MED13L: variants seen among roughly 807,000 people sequenced by gnomAD.
The protein encoded by MED13L is mediator of RNA polymerase II transcription subunit 13-like.
MED13L carries 7 observed loss-of-function variants against 220.9 expected under a neutral mutation model. The observed-to-expected ratio is 0.03, with a 90% confidence interval of 0.02 to 0.06. The LOEUF is 0.06. Ranked by LOEUF, MED13L falls within the 10% of genes least tolerant of loss-of-function variation. The pLI is 1.00. For synonymous variants in MED13L, 1,011 were observed against 1,015.2 expected (o/e 1.00, Z 0.08); for missense variants, 1,965 against 2,760.5 (o/e 0.71, Z 6.46).
intron 26 of MED13L, 122 bp from the exon 27 acceptor site, chr12:115,970,892 A>T (rs1876536410): frequency 2.2e-6 from 2 of 898,430 alleles, no homozygotes; most frequent in Non-Finnish European, 1.8e-6. Context: ...CACATTCAAA[A>T]TTGAGTCCAA....
rs1873253579 is a variant in MED13L at position 116,270,893 on chromosome 12, T to G, written c.72+6167A>C. On this transcript the variant is annotated intron_variant, in intron 1 of 30. Coordinates refer to ENST00000281928, the MANE Select transcript of MED13L (RefSeq NM_015335.5). ...CCATCTCTACTAAAAAATACAAAAA[T>G]TAGCTGGGCATAGTGGCGCGCGCCT... Among the ~76,000 whole-genome samples the G allele has an allele frequency of 2.0e-5, 3 of 150,402 alleles. No individual in the cohort carries two copies. In the South Asian group the frequency reaches 6.3e-4, roughly 32 times the overall value.
At chr12:116,220,631 G>A (rs1234675860) in intron 2 of MED13L, among the ~76,000 whole-genome samples, 2 of 152,190 alleles carry the variant, frequency 1.3e-5, no homozygotes, top group Admixed American at 1.3e-4. Context: ...CCCGGGAGGC[G>A]GAGGTTGCAG....
At chr12:116,092,957 C>G (rs188976211) in intron 4 of MED13L, among the ~76,000 whole-genome samples, 1 of 152,132 alleles carries the variant, frequency 6.6e-6, no homozygotes, top group Admixed American at 6.5e-5. Flanking sequence ...CTTCTGTATA[C>G]CTGATACCAG....
intron 1 of MED13L, among the ~76,000 whole-genome samples, chr12:116,244,929 G>A (rs117506122): frequency 0.02 from 3,029 of 152,250 alleles, 57 homozygotes; most frequent in Middle Eastern, 0.054. Context: ...TCCAGCCTGG[G>A]CAACAGAGTG....
At chr12:115,985,278 T>C in intron 19 of MED13L, among the ~76,000 whole-genome samples, 1 of 152,340 alleles carries the variant, frequency 6.6e-6, no homozygotes. Context: ...GATTTAATAG[T>C]ATTATATATG....
intron 4 of MED13L, among the ~76,000 whole-genome samples, chr12:116,035,954 T>C (rs1566023238): frequency 6.6e-6 from 1 of 152,190 alleles, no homozygotes; most frequent in East Asian, 1.9e-4. Flanking sequence ...TTTTAATTTA[T>C]ATGTCCAATG....
chr12:116,077,360 T>C (rs1870883340), intron 4 of MED13L, among the ~76,000 whole-genome samples: 1 of 152,226 alleles, frequency 6.6e-6, no homozygotes. Context: ...GAAAAACTAC[T>C]GTTAAGAAGA....
intron 2 of MED13L, among the ~76,000 whole-genome samples, chr12:116,222,202 A>G (rs1201946386): frequency 6.6e-6 from 1 of 152,234 alleles, no homozygotes; most frequent in Non-Finnish European, 1.5e-5. Flanking sequence ...TTTCACATTC[A>G]CTTCATGTTG....
intron 2 of MED13L, among the ~76,000 whole-genome samples, chr12:116,122,100 TAAA>T (rs962255740): frequency 1.3e-5 from 2 of 148,644 alleles, no homozygotes; most frequent in Admixed American, 1.3e-4. Context: ...TCGTAGTGTT[TAAA>T]AAAAAAAATC....
chr12:116,176,026 G>A (rs1880037841), intron 2 of MED13L, among the ~76,000 whole-genome samples: 1 of 152,120 alleles, frequency 6.6e-6, no homozygotes, highest in Non-Finnish European at 1.5e-5. Context: ...GGCAACCAGG[G>A]AAGCTATGGG....
intron 2 of MED13L, among the ~76,000 whole-genome samples, chr12:116,205,519 AAAC>A (rs1565927518): frequency 6.9e-6 from 1 of 145,448 alleles, no homozygotes; most frequent in African/African-American, 2.5e-5. Flanking sequence ...TAAAAAAAAA[AAAC>A]AAAGGAAGAG....
intron 2 of MED13L, among the ~76,000 whole-genome samples, chr12:116,226,868 C>CAA (rs1170342196): frequency 6.0e-4 from 38 of 63,808 alleles, no homozygotes; most frequent in Non-Finnish European, 9.6e-4. Flanking sequence ...GACTCCATCT[C>CAA]AAAAAAAAAA....
chr12:116,047,262 G>A (rs1881895970), intron 4 of MED13L, among the ~76,000 whole-genome samples: 1 of 152,142 alleles, frequency 6.6e-6, no homozygotes, highest in Non-Finnish European at 1.5e-5. Context: ...GCTGAGGTGA[G>A]AGCATCGCTT....
chr12:116,007,288 T>C (rs189493813), intron 11 of MED13L, 123 bp downstream of exon 11: 9 of 856,968 alleles, frequency 1.1e-5, no homozygotes, highest in East Asian at 5.0e-5. Context: ...AGCATGAATA[T>C]GGGGACAGAG....
chr12:115,976,525 C>T (rs1322285718), intron 23 of MED13L, among the ~76,000 whole-genome samples: 1 of 152,136 alleles, frequency 6.6e-6, no homozygotes, highest in Non-Finnish European at 1.5e-5. Flanking sequence ...GCTCTGGATA[C>T]CAGTTATGTA....
In MED13L at chr12:116,073,184, AT is replaced by A. The variant is rs1051999106; in HGVS notation, c.479+23484del. ...CTGCCTAATTCTTCCATGGGTATGTATTTTTTTTTAATTTTTAAACTCTAAT... is the reference window on the plus strand; with the variant it reads ...CTGCCTAATTCTTCCATGGGTATGTATTTTTTTTAATTTTTAAACTCTAAT... On this transcript the variant is annotated intron_variant, in intron 4 of 30. Coordinates refer to ENST00000281928, the MANE Select transcript of MED13L (RefSeq NM_015335.5). 3.3e-5 allele frequency among the ~76,000 whole-genome samples: 5 copies of A among 151,474 alleles called. No individual in the cohort carries two copies. In the South Asian group the frequency reaches 8.4e-4, roughly 25 times the overall value.
chr12:116,273,476 A>G (rs1873558609), intron 1 of MED13L, among the ~76,000 whole-genome samples: 1 of 151,444 alleles, frequency 6.6e-6, no homozygotes, highest in Middle Eastern at 3.4e-3. Context: ...AGTCCACCCT[A>G]TTTTGTTCTA....
chr12:116,123,778 A>G (rs577934356), intron 2 of MED13L, among the ~76,000 whole-genome samples: 3 of 152,142 alleles, frequency 2.0e-5, no homozygotes, highest in Non-Finnish European at 1.5e-5. Flanking sequence ...TCTTGCTACA[A>G]TAATCTTAAA....
At chr12:116,216,475 T>C (rs1055948115) in intron 2 of MED13L, among the ~76,000 whole-genome samples, 2 of 152,182 alleles carry the variant, frequency 1.3e-5, no homozygotes, top group East Asian at 1.9e-4. Flanking sequence ...TCACTCCTAC[T>C]AGCATCTAAA....
Sources: allele counts gnomAD v4.1 joint callset (sites outside exome capture counted in the v4.1 genomes callset), GRCh38; gene constraint gnomAD v4.1.1; transcripts MANE v1.5; gene names NCBI Gene and HGNC (gene_info 2026-07-23, HGNC 2026-07-21).